E2F7: variants seen among roughly 807,000 people sequenced by gnomAD.
E2F7 encodes the protein transcription factor E2F7.
A neutral mutation model predicts 81.1 loss-of-function variants in E2F7; 35 were observed. The observed-to-expected ratio is 0.43, with a 90% CI of 0.33 to 0.57. E2F7 has a LOEUF of 0.57. Among genes scored for constraint, E2F7 ranks in the 20% least tolerant of loss-of-function variants. The probability of loss-of-function intolerance (pLI) is 0.04; values close to 1 mark genes in which losing one functional copy is unlikely to be tolerated. For synonymous variants in E2F7, 416 were observed against 416.2 expected (o/e 1.00, Z 0.01); for missense variants, 961 against 1,093.7 (o/e 0.88, Z 1.71).
chr12:77,029,808 C>A lies in E2F7; in HGVS notation c.1884+23G>T, dbSNP rs202114675. On this transcript the variant is annotated intron_variant, in intron 10 of 12. Coordinates refer to ENST00000322886, the MANE Select transcript of E2F7 (RefSeq NM_203394.3). Reference sequence around the variant, plus strand: ...TCAGGGCTAACAGGATGTCACCAGACACATCCACCTGCACTCCCTTACCTT... The same window carrying A: ...TCAGGGCTAACAGGATGTCACCAGAAACATCCACCTGCACTCCCTTACCTT... The A allele has an allele frequency of 3.7e-5, 60 of 1,611,460 alleles. No individual in the cohort carries two copies. In the Admixed American group the frequency reaches 7.5e-4, roughly 20 times the overall value.
At chr12:77,056,267 G>T in intron 2 of E2F7, 137 bp from the exon 3 acceptor site, 1 of 894,540 alleles carries the variant, frequency 1.1e-6, no homozygotes, top group Non-Finnish European at 1.6e-6. Context: ...TATCAGGATA[G>T]GACTAACGAA....
rs751760096 is a variant in E2F7, at chr12:77,025,889, C to G, written c.2234G>C (p.Cys745Ser). 6.2e-7 allele frequency: 1 copy of G among 1,614,008 alleles called. No homozygotes were observed. Among genetic ancestry groups the G allele is most frequent in the Non-Finnish European group, 8.5e-7 (1 of 1,179,976 alleles). ...CAGAGGTGGAGATGGTAAGACCATG[C>G]AAGGGACACTGAAAGACGGCAGCTG... The part of the protein sequence containing the change: ...SGQLPSFSVP[C>S]MVLPSPPLGP... Residue 745 changes from cysteine to serine, a missense_variant, in exon 12 of 13, where the codon TGC (cysteine) becomes TCC (serine). By Grantham distance (112) the Cys-to-Ser change is moderately radical (BLOSUM62 -1). Transcript: ENST00000322886.
Position 77,024,173 on chromosome 12 carries a change from C to T in E2F7, c.2578G>A (p.Val860Met). 6.2e-7 allele frequency: 1 copy of T among 1,612,196 alleles called. No homozygotes were observed. The highest frequency in any genetic ancestry group is 8.5e-7 in the Non-Finnish European group (1 of 1,179,522). ...GTGCGTTGGATGCTCTTGGGGGTCA[C>T]TGGAACTGGTGACTGAAAAAAGAAA... Reference protein sequence around the residue: ...VVKLHQSPVPVTPKSIQRTHR... With the variant: ...VVKLHQSPVPMTPKSIQRTHR... Residue 860 changes from valine to methionine, a missense_variant, in exon 13 of 13, where the codon GTG becomes ATG. This residue lies in a region of E2F7 where 587 missense variants were observed against 620.3 expected (regional missense o/e 0.95). Transcript: ENST00000322886.
intron 4 of E2F7, among the ~76,000 whole-genome samples, chr12:77,050,256 C>T (rs536112651): frequency 3.3e-5 from 5 of 152,018 alleles, no homozygotes; most frequent in East Asian, 1.9e-4. Flanking sequence ...AATAGTTTTG[C>T]GTCTGTCTGA....
intron 4 of E2F7, 122 bp from the exon 5 acceptor site, chr12:77,046,450 C>A: frequency 9.6e-7 from 1 of 1,038,466 alleles, no homozygotes; most frequent in South Asian, 1.8e-5. Context: ...ATGCCCACTG[C>A]GTGGATGCTC....
At chr12:77,054,270 T>G (rs1378997775) in intron 3 of E2F7, among the ~76,000 whole-genome samples, 2 of 151,812 alleles carry the variant, frequency 1.3e-5, no homozygotes, top group African/African-American at 4.8e-5. Flanking sequence ...TTGACTTTGA[T>G]CTAATAAATC....
At chr12:77,050,859 G>A in intron 3 of E2F7, 115 bp from the exon 4 acceptor site, 1 of 981,076 alleles carries the variant, frequency 1.0e-6, no homozygotes, top group South Asian at 1.8e-5. Flanking sequence ...TACCATCCTA[G>A]ATTCTAGTTA....
At position 77,043,134 on chromosome 12, in the gene E2F7, G is replaced by A. The variant is rs1954908013; in HGVS notation, c.1054C>T (p.His352Tyr). The part of the protein sequence containing the change: ...LTSLALIKKV[H>Y]VTEERGRKPA... Reference sequence around the variant, plus strand: ...TTACGACCTCGCTCTTCTGTTACATGCACTTTCTTTATCAGAGCCAAGCTG... The same window carrying A: ...TTACGACCTCGCTCTTCTGTTACATACACTTTCTTTATCAGAGCCAAGCTG... The change falls in exon 7 of 13, where the codon CAT becomes TAT. Residue 352 changes from histidine to tyrosine, a missense_variant. By Grantham distance (83) the His-to-Tyr change is moderately conservative. Coordinates refer to ENST00000322886, the MANE Select transcript of E2F7 (RefSeq NM_203394.3). The A allele has an allele frequency of 2.5e-6, 4 of 1,614,180 alleles. No homozygotes were observed. Among genetic ancestry groups the A allele is most frequent in the Non-Finnish European group, 3.4e-6 (4 of 1,180,034 alleles).
At chr12:77,033,018 G>C in intron 9 of E2F7, 32 bp downstream of exon 9, 1 of 1,592,362 alleles carries the variant, frequency 6.3e-7, no homozygotes, top group Non-Finnish European at 8.6e-7. Flanking sequence ...AGATAGAAAA[G>C]AATACACTCT....
At chr12:77,037,853 G>A (rs1260664864) in intron 7 of E2F7, among the ~76,000 whole-genome samples, 1 of 152,022 alleles carries the variant, frequency 6.6e-6, no homozygotes, top group Non-Finnish European at 1.5e-5. Context: ...TAACCCAACT[G>A]AAAAGCATAA....
intron 4 of E2F7, among the ~76,000 whole-genome samples, chr12:77,046,643 A>G (rs1245663558): frequency 6.6e-6 from 1 of 152,252 alleles, no homozygotes; most frequent in Non-Finnish European, 1.5e-5. Flanking sequence ...CGAACATTTC[A>G]GCAGCTGAAA....
In E2F7 at chr12:77,025,457, C is replaced by A. The variant is rs1239339122; in HGVS notation, c.2565+101G>T. ...ACAACGGAAGCCAGGTGGAGCCTGA[C>A]CTAGTGCCTCTGTCCGGCAGTCATG... On this transcript the variant is annotated intron_variant, in intron 12 of 12. Coordinates refer to ENST00000322886, the MANE Select transcript of E2F7 (RefSeq NM_203394.3). The A allele has an allele frequency of 1.4e-5, 19 of 1,365,172 alleles. No homozygotes were observed. The Admixed American group carries it at 3.8e-4, about 28-fold the overall frequency. 84.6% of individuals were successfully genotyped at this position (1,365,172 alleles called of 1,614,324 possible). A position where few individuals can be genotyped will look rare whatever the true frequency, so the allele number is the denominator to read the frequency against.
In E2F7 at chr12:77,050,689, C is replaced by A; in HGVS notation, c.425G>T (p.Arg142Ile). The A allele has an allele frequency of 1.2e-6, 2 of 1,613,980 alleles. No individual in the cohort carries two copies. Residue 142 changes from arginine (R) to isoleucine (I), a missense_variant, in exon 4 of 13, where the codon AGA (arginine) becomes ATA (isoleucine). This residue lies in a region of E2F7 where 301 missense variants were observed against 405.0 expected (regional missense o/e 0.74). Transcript: ENST00000322886. ...CAGGAGTCCTAAACTTTTCTGTTTT[C>A]TGCTTGGCCTTTGCTTTTCAAATTC... is the stretch of plus-strand genomic sequence containing the variant. ...VDEFEKQRPS[R>I]KQKSLGLLCQ... is the part of the protein sequence containing the mutation.
rs1954712745 is a variant in E2F7, at chr12:77,021,766, C to G, written c.*2249G>C. ...ACTCAAGATTGCCATTGCTTCTTCA[C>G]TACCCAAAATATCCAAGTCTAGCGC... On this transcript the variant is annotated 3_prime_UTR_variant, in exon 13 of 13. Transcript: ENST00000322886. 6.6e-6 allele frequency: 1 copy of G among 152,258 alleles called. No homozygotes were observed. Among genetic ancestry groups the G allele is most frequent in the South Asian group, 2.1e-4 (1 of 4,832 alleles). The allele number at this position is 152,258 out of a possible 1,614,324, so 9.4% of individuals were successfully genotyped here.
Position 77,055,787 on chromosome 12 carries a change from T to C in E2F7, c.369+68A>G. 2.0e-6 allele frequency: 3 copies of C among 1,514,136 alleles called. No homozygotes were observed. In the South Asian group the frequency reaches 4.1e-5, roughly 21 times the overall value. 93.8% of individuals were successfully genotyped at this position (1,514,136 alleles called of 1,614,324 possible). On this transcript the variant is annotated intron_variant, in intron 3 of 12. Transcript: ENST00000322886. ...AGGAGCTGAAAAGTTGACAGTTCTA[T>C]GATTTTTTAATAATCAAGTAAAATT...
chr12:77,057,606 G>A (rs1047207821), intron 2 of E2F7, among the ~76,000 whole-genome samples: 9 of 152,122 alleles, frequency 5.9e-5, no homozygotes, highest in African/African-American at 2.2e-4. Context: ...CAGACCACCC[G>A]TTGATGTAGA....
At chr12:77,044,581 C>T in intron 6 of E2F7, 56 bp downstream of exon 6, 1 of 1,570,172 alleles carries the variant, frequency 6.4e-7, no homozygotes. Context: ...AAAATATCAA[C>T]ACATGAAATC....
chr12:77,026,127 C>T (rs1954758167), intron 11 of E2F7, 145 bp from the exon 12 acceptor site: 2 of 895,152 alleles, frequency 2.2e-6, no homozygotes, highest in South Asian at 3.7e-5. Context: ...CCAGGCCAAA[C>T]AGCCCACACC....
At chr12:77,049,456 T>G (rs1231448851) in intron 4 of E2F7, among the ~76,000 whole-genome samples, 1 of 152,214 alleles carries the variant, frequency 6.6e-6, no homozygotes, top group Non-Finnish European at 1.5e-5. Flanking sequence ...CCATTGACTT[T>G]GGCATGTTAC....
Sources: allele counts gnomAD v4.1 joint callset (sites outside exome capture counted in the v4.1 genomes callset), GRCh38; gene constraint gnomAD v4.1.1; regional missense constraint gnomAD v4.1.1; transcripts MANE v1.5; gene names NCBI Gene and HGNC (gene_info 2026-07-23, HGNC 2026-07-21).